BCL2L14: variants seen among roughly 807,000 people sequenced by gnomAD.
BCL2L14 encodes the protein apoptosis facilitator Bcl-2-like protein 14.
A neutral mutation model predicts 35.3 loss-of-function variants in BCL2L14; 27 were observed. The ratio of observed to expected loss-of-function variants is 0.76; its 90% CI spans 0.56 to 1.05. The LOEUF is 1.05. Ranked by LOEUF, BCL2L14 falls within the 50% of genes least tolerant of loss-of-function variation. BCL2L14 has a pLI of 0.00. For synonymous variants in BCL2L14, 139 were observed against 145.9 expected (o/e 0.95, Z 0.34); for missense variants, 377 against 382.6 (o/e 0.99, Z 0.12).
chr12:12,055,004 G>A (rs1321810103), intron 2 of BCL2L14: 1 of 151,694 alleles, frequency 6.6e-6, no homozygotes, highest in Non-Finnish European at 1.5e-5. Context: ...AGAGAATTCA[G>A]AGGAAAATGA....
At chr12:12,054,101 G>A (rs1022545271) in intron 2 of BCL2L14, among the ~76,000 whole-genome samples, 3 of 152,182 alleles carry the variant, frequency 2.0e-5, no homozygotes, top group Non-Finnish European at 4.4e-5. Flanking sequence ...TTTGTTTAAT[G>A]TAATACCTTA....
At position 12,077,780 on chromosome 12, in the gene BCL2L14, A is replaced by T; in HGVS notation, c.-7-1519A>T. ...AGTCACTGGCATGGCCACAATCTGA[A>T]TTTGGGACTGTTAGACTGAGAAGCC... is the stretch of plus-strand genomic sequence containing the variant. On this transcript the variant is annotated intron_variant, in intron 1 of 5. Coordinates refer to ENST00000308721, the MANE Select transcript of BCL2L14 (RefSeq NM_138723.2). 1.4e-5 allele frequency: 3 copies of T among 211,004 alleles called. No homozygotes were observed. The East Asian group carries it at 3.3e-4, about 23-fold the overall frequency. 13.1% of individuals were successfully genotyped at this position (211,004 alleles called of 1,614,324 possible).
At chr12:12,050,980 T>A (rs1330674924) in intron 1 of BCL2L14, among the ~76,000 whole-genome samples, 1 of 152,150 alleles carries the variant, frequency 6.6e-6, no homozygotes, top group East Asian at 1.9e-4. Context: ...AAGTGCTCGA[T>A]AAGGATTGAA....
At chr12:12,070,195 T>TC (rs1381013002), upstream of BCL2L14, among the ~76,000 whole-genome samples, 1 of 152,202 alleles carries the variant, frequency 6.6e-6, no homozygotes, top group East Asian at 1.9e-4. Context: ...TGAACACTTT[T>TC]CCAGTGGTTC....
intron 4 of BCL2L14, among the ~76,000 whole-genome samples, chr12:12,094,107 T>A (rs371329145): frequency 7.0e-6 from 1 of 142,780 alleles, no homozygotes. Context: ...AACCCTGTCT[T>A]AAAAAAAAAA....
chr12:12,067,542 C>T (rs1364021071), upstream of BCL2L14, among the ~76,000 whole-genome samples: 1 of 152,018 alleles, frequency 6.6e-6, no homozygotes, highest in Non-Finnish European at 1.5e-5. Context: ...CAGAGTGAGA[C>T]TCTGTCTGAA....
At chr12:12,087,505 A>C in intron 3 of BCL2L14, 119 bp downstream of exon 3, 3 of 1,141,106 alleles carry the variant, frequency 2.6e-6, no homozygotes, top group African/African-American at 1.6e-5. Context: ...TGAGGGCTTG[A>C]CAGCCACAGG....
At chr12:12,066,322 C>T (rs887086321), upstream of BCL2L14, among the ~76,000 whole-genome samples, 1 of 152,096 alleles carries the variant, frequency 6.6e-6, no homozygotes, top group Non-Finnish European at 1.5e-5. Context: ...TCATTGATAT[C>T]AAAACAAGGA....
At chr12:12,094,999 T>G in intron 5 of BCL2L14, 69 bp downstream of exon 5, 1 of 1,541,384 alleles carries the variant, frequency 6.5e-7, no homozygotes. Flanking sequence ...TTTTTTTTTT[T>G]TTTTAAATGA....
rs116001851 is a variant in BCL2L14 at position 12,059,103 on chromosome 12, G to T, written c.-272+7256G>T. 2.8e-3 allele frequency among the ~76,000 whole-genome samples: 429 copies of T among 152,290 alleles called. 3 individuals are homozygous for T. The highest frequency in any genetic ancestry group is 9.8e-3 in the African/African-American group (409 of 41,552). The stretch of plus-strand genomic sequence containing the variant: ...CCGTAGACCCAAAACTCCGGTGCCG[G>T]TCACGGACTGGGAATGCAGCCTTCC... On this transcript the variant is annotated intron_variant, in intron 2 of 3. Coordinates refer to the BCL2L14 transcript ENST00000461264.
At chr12:12,097,623 G>A (rs915121971) in intron 5 of BCL2L14, among the ~76,000 whole-genome samples, 1 of 152,180 alleles carries the variant, frequency 6.6e-6, no homozygotes, top group Admixed American at 6.5e-5. Context: ...GCATAACTCT[G>A]TGAATATACT....
intron 2 of BCL2L14, among the ~76,000 whole-genome samples, chr12:12,086,180 TG>T (rs1949039911): frequency 6.6e-6 from 1 of 152,068 alleles, no homozygotes; most frequent in South Asian, 2.1e-4. Flanking sequence ...TAGCCAGGCG[TG>T]GTGATGCACA....
intron 2 of BCL2L14, among the ~76,000 whole-genome samples, chr12:12,057,564 C>A (rs1296451402): frequency 6.6e-6 from 1 of 151,084 alleles, no homozygotes. Flanking sequence ...TCGAGACCAG[C>A]CTGACCAACA....
rs1949376974 is a variant in BCL2L14 at position 12,099,082 on chromosome 12, C to T, written c.*94C>T. 8 of 892,716 alleles carry T rather than the reference C, an allele frequency of 9.0e-6. No individual in the cohort carries two copies. Among genetic ancestry groups the T allele is most frequent in the Non-Finnish European group, 1.3e-5 (7 of 537,968 alleles). The allele number at this position is 892,716 out of a possible 1,614,324, so 55.3% of individuals were successfully genotyped here. ...CTACAGGAGATTACAACGTACAAGG[C>T]AGATGGAGCATTGACGTTTTCAAAA... On this transcript the variant is annotated 3_prime_UTR_variant, in exon 6 of 6. Transcript: ENST00000308721.
intron 1 of BCL2L14, among the ~76,000 whole-genome samples, chr12:12,073,758 C>G (rs1240699651): frequency 6.6e-6 from 1 of 152,198 alleles, no homozygotes; most frequent in Non-Finnish European, 1.5e-5. Flanking sequence ...GACCAGGGTG[C>G]ACATCTGGCC....
At position 12,087,336 on chromosome 12, in the gene BCL2L14, T is replaced by C; in HGVS notation, c.557T>C (p.Leu186Pro). 1.2e-6 allele frequency: 2 copies of C among 1,614,220 alleles called. No homozygotes were observed. Among genetic ancestry groups the C allele is most frequent in the Non-Finnish European group, 1.7e-6 (2 of 1,180,030 alleles). Reference sequence around the variant, plus strand: ...AAAGAGATTTTTGTAACTGAGGGTCTCTCCTTCCAGCTCCAAGGCCACGTG... The same window carrying C: ...AAAGAGATTTTTGTAACTGAGGGTCCCTCCTTCCAGCTCCAAGGCCACGTG... The part of the protein sequence containing the change: ...KSKEIFVTEG[L>P]SFQLQGHVPV... The change falls in exon 3 of 6, where the codon CTC becomes CCC. Residue 186 changes from leucine (L) to proline (P), a missense_variant. By Grantham distance (98) the Leu-to-Pro change is moderately conservative. Coordinates refer to ENST00000308721, the MANE Select transcript of BCL2L14 (RefSeq NM_138723.2).
chr12:12,061,319 C>T (rs201916499), intron 2 of BCL2L14, among the ~76,000 whole-genome samples: 14,332 of 148,204 alleles, frequency 0.097, 826 homozygotes, highest in East Asian at 0.39. Context: ...CGACCAATCA[C>T]ACACCCCTTA....
intron 2 of BCL2L14, among the ~76,000 whole-genome samples, chr12:12,059,175 C>A (rs191034647): frequency 1.3e-5 from 2 of 152,228 alleles, no homozygotes; most frequent in African/African-American, 2.4e-5. Flanking sequence ...TATTCCCCCA[C>A]GTTTCAGAGG....
intron 5 of BCL2L14, chr12:12,095,499 C>G (rs991334857): frequency 7.3e-5 from 72 of 985,280 alleles, no homozygotes; most frequent in Non-Finnish European, 6.3e-5. Flanking sequence ...CCTTTTGCCT[C>G]AAACCCTCTC....
Sources: gnomAD v4.1 joint callset for allele counts (sites outside exome capture counted in the v4.1 genomes callset) on GRCh38, gnomAD v4.1.1 for gene constraint, MANE v1.5 for transcripts, NCBI Gene and HGNC (gene_info 2026-07-23, HGNC 2026-07-21) for gene names.